The following RPS6KA2 variants were observed in gnomAD, a reference collection of about 807,000 sequenced individuals.
RPS6KA2 encodes the protein ribosomal protein S6 kinase alpha-2.
RPS6KA2 carries 42 observed loss-of-function variants against 91.8 expected under a neutral mutation model. The ratio of observed to expected loss-of-function variants is 0.46; its 90% CI spans 0.36 to 0.59. The LOEUF (loss-of-function observed/expected upper bound fraction) is 0.59. Among genes scored for constraint, RPS6KA2 ranks in the 20% least tolerant of loss-of-function variants. The probability of loss-of-function intolerance (pLI) is 0.00; values close to 1 mark genes in which losing one functional copy is unlikely to be tolerated. For missense variants in RPS6KA2, 798 were observed against 978.5 expected, an observed-to-expected ratio of 0.82 and a Z score of 2.46; for synonymous variants, 414 against 393.6, an observed-to-expected ratio of 1.05 and a Z score of -0.61.
At chr6:166,800,114 A>G (rs1025955108) in intron 2 of RPS6KA2, among the ~76,000 whole-genome samples, 1 of 152,064 alleles carries the variant, frequency 6.6e-6, no homozygotes, top group Non-Finnish European at 1.5e-5. Context: ...AAAATAGATC[A>G]CTCTGTTTCA....
intron 6 of RPS6KA2, among the ~76,000 whole-genome samples, chr6:166,502,005 T>C (rs1782044915): frequency 6.6e-6 from 1 of 152,248 alleles, no homozygotes; most frequent in Non-Finnish European, 1.5e-5. Flanking sequence ...ATAAAATGTA[T>C]GGTCCCTAGA....
chr6:166,444,261 TAATA>T (rs1779608590), intron 14 of RPS6KA2, among the ~76,000 whole-genome samples: 1 of 152,198 alleles, frequency 6.6e-6, no homozygotes, highest in South Asian at 2.1e-4. Context: ...CTCCAACACT[TAATA>T]GTCACTTCTA....
chr6:166,468,158 G>A lies in RPS6KA2; in HGVS notation c.972+1683C>T, dbSNP rs116800870. ...TTCCAACGCAGAGTCGAATGACAGTGACCTTAGGTGCCCATCTGTGAGGTG... is the reference window on the plus strand; with the variant it reads ...TTCCAACGCAGAGTCGAATGACAGTAACCTTAGGTGCCCATCTGTGAGGTG... On this transcript the variant is annotated intron_variant, in intron 11 of 20. Coordinates refer to ENST00000265678, the MANE Select transcript of RPS6KA2 (RefSeq NM_021135.6). Among the ~76,000 whole-genome samples, 1,133 of 152,336 alleles carry A rather than the reference G, an allele frequency of 7.4e-3. 11 individuals are homozygous for A. The highest frequency in any genetic ancestry group is 0.025 in the African/African-American group (1,037 of 41,574).
At chr6:166,531,390 T>A (rs1583247178) in intron 2 of RPS6KA2, 77 bp from the exon 3 acceptor site, 1 of 1,099,834 alleles carries the variant, frequency 9.1e-7, no homozygotes, top group South Asian at 1.3e-5. Flanking sequence ...GACAAGGGGA[T>A]ACACAAGGAA....
chr6:166,611,083 T>C (rs973402401), intron 1 of RPS6KA2, among the ~76,000 whole-genome samples: 1 of 152,206 alleles, frequency 6.6e-6, no homozygotes, highest in African/African-American at 2.4e-5. Flanking sequence ...ACGAATGAAA[T>C]AAATTTAATC....
intron 1 of RPS6KA2, among the ~76,000 whole-genome samples, chr6:166,600,801 G>T (rs1259465024): frequency 6.6e-6 from 1 of 152,222 alleles, no homozygotes; most frequent in Non-Finnish European, 1.5e-5. Context: ...AAAGTGAATA[G>T]AAATGGAAAA....
intron 2 of RPS6KA2, among the ~76,000 whole-genome samples, chr6:166,727,252 A>C (rs983302244): frequency 2.6e-5 from 4 of 152,070 alleles, no homozygotes; most frequent in Non-Finnish European, 4.4e-5. Context: ...AAAGAATTGA[A>C]AGTAATGCAG....
At chr6:166,835,036 C>T (rs1780284227) in intron 2 of RPS6KA2, among the ~76,000 whole-genome samples, 2 of 152,224 alleles carry the variant, frequency 1.3e-5, no homozygotes, top group South Asian at 4.1e-4. Flanking sequence ...TAAATATCTA[C>T]TTGTTCAAAC....
intron 2 of RPS6KA2, among the ~76,000 whole-genome samples, chr6:166,834,830 ATTATTTATTTATTTAT>A (rs34377390): frequency 9.2e-5 from 6 of 65,554 alleles, no homozygotes; most frequent in Non-Finnish European, 1.7e-4. Flanking sequence ...ATGGCGTCCT[ATTATTTATTTATTTAT>A]TTATTTATTT....
At chr6:166,807,659 C>T (rs969121117) in intron 2 of RPS6KA2, among the ~76,000 whole-genome samples, 3 of 152,002 alleles carry the variant, frequency 2.0e-5, no homozygotes, top group South Asian at 4.2e-4. Context: ...CTGCTGTTCT[C>T]CCCCAACTTG....
intron 2 of RPS6KA2, among the ~76,000 whole-genome samples, chr6:166,745,936 C>T (rs1478567705): frequency 1.3e-5 from 2 of 152,228 alleles, no homozygotes; most frequent in African/African-American, 4.8e-5. Flanking sequence ...ATTAATGTTG[C>T]TGCTGTGGTT....
chr6:166,487,216 C>T (rs754805585), intron 10 of RPS6KA2, among the ~76,000 whole-genome samples: 57 of 152,150 alleles, frequency 3.7e-4, no homozygotes, highest in Non-Finnish European at 6.3e-4. Context: ...TGAAATGTTG[C>T]AGGGATTTAC....
chr6:166,842,265 T>C (rs900447444), intron 2 of RPS6KA2, among the ~76,000 whole-genome samples: 1 of 152,122 alleles, frequency 6.6e-6, no homozygotes, highest in Non-Finnish European at 1.5e-5. Context: ...AATGTGGCCT[T>C]GTTTGGAAAT....
At chr6:166,565,545 T>C (rs577967621) in intron 1 of RPS6KA2, among the ~76,000 whole-genome samples, 98 of 152,286 alleles carry the variant, frequency 6.4e-4, no homozygotes, top group Non-Finnish European at 5.7e-4. Flanking sequence ...ACAAGAACCA[T>C]GTGGTCCATG....
intron 2 of RPS6KA2, among the ~76,000 whole-genome samples, chr6:166,793,176 T>C (rs1237855516): frequency 2.6e-5 from 4 of 152,158 alleles, no homozygotes; most frequent in African/African-American, 9.6e-5. Flanking sequence ...AAAATCAATG[T>C]ACAAAAATCA....
chr6:166,758,575 T>C (rs1323485452), intron 2 of RPS6KA2, among the ~76,000 whole-genome samples: 1 of 152,244 alleles, frequency 6.6e-6, no homozygotes, highest in East Asian at 1.9e-4. Flanking sequence ...CTTTGTTTAC[T>C]GGTATAGCTT....
Position 166,426,855 on chromosome 6 carries a change from C to T in RPS6KA2, c.1582-3438G>A, listed in dbSNP as rs1210143610. 8.2e-3 allele frequency among the ~76,000 whole-genome samples: 1,172 copies of T among 142,364 alleles called. 9 individuals carry two copies. The highest frequency in any genetic ancestry group is 0.027 in the African/African-American group (1,025 of 37,520). 93.4% of individuals were successfully genotyped at this position (142,364 alleles called of 152,430 possible). A position where few individuals can be genotyped will look rare whatever the true frequency, so the allele number is the denominator to read the frequency against. On this transcript the variant is annotated intron_variant, in intron 16 of 20. Transcript: ENST00000265678. Reference sequence around the variant, plus strand: ...GTCCAGGACCAGATGGATTCACAGCCGAATTCTACCAGAGGTACAAGGAGG... The same window carrying T: ...GTCCAGGACCAGATGGATTCACAGCTGAATTCTACCAGAGGTACAAGGAGG...
chr6:166,830,322 G>T (rs1476214321), intron 2 of RPS6KA2, among the ~76,000 whole-genome samples: 1 of 152,142 alleles, frequency 6.6e-6, no homozygotes, highest in African/African-American at 2.4e-5. Context: ...AAGTAGAACA[G>T]TTGCTGTCTC....
chr6:166,576,698 G>A (rs1784845977), intron 1 of RPS6KA2, among the ~76,000 whole-genome samples: 1 of 152,162 alleles, frequency 6.6e-6, no homozygotes, highest in Admixed American at 6.5e-5. Flanking sequence ...TATAAAGGAA[G>A]CAAAGCATAA....
Sources: gnomAD v4.1 joint callset for allele counts (sites outside exome capture counted in the v4.1 genomes callset) on GRCh38, gnomAD v4.1.1 for gene constraint, MANE v1.5 for transcripts, NCBI Gene and HGNC (gene_info 2026-07-23, HGNC 2026-07-21) for gene names.